EPB41L1: variants seen among roughly 807,000 people sequenced by gnomAD.
EPB41L1 encodes band 4.1-like protein 1.
In EPB41L1, 29 loss-of-function variants were observed where a neutral mutation model predicts 97.8. The observed-to-expected ratio is 0.30, with a 90% CI of 0.22 to 0.40. The LOEUF (loss-of-function observed/expected upper bound fraction) is 0.40. Among genes scored for constraint, EPB41L1 ranks in the 10% least tolerant of loss-of-function variants. The pLI is 1.00. For synonymous variants in EPB41L1, 383 were observed against 459.2 expected (o/e 0.83, Z 2.12); for missense variants, 812 against 1,162.3 (o/e 0.70, Z 4.38).
At chr20:36,160,219 A>G (rs1002497806) in intron 1 of EPB41L1, among the ~76,000 whole-genome samples, 1 of 152,250 alleles carries the variant, frequency 6.6e-6, no homozygotes, top group Non-Finnish European at 1.5e-5. Flanking sequence ...AGAAAAACAA[A>G]TATTTCTTTA....
In EPB41L1 at chr20:36,212,176, T is replaced by G; in HGVS notation, c.2080-96T>G. On this transcript the variant is annotated intron_variant, in intron 15 of 21. Coordinates refer to ENST00000338074, the MANE Select transcript of EPB41L1 (RefSeq NM_012156.2). The surrounding 1 kb of genome is among the most constrained non-coding windows in gnomAD (Gnocchi z 4.8). The stretch of plus-strand genomic sequence containing the variant: ...CCAGAGATGTGGCCAGCTGTGGGGA[T>G]AGGAGATAGCCTGCAGACACCACAC... 1.7e-6 allele frequency: 2 copies of G among 1,149,778 alleles called. No homozygotes were observed. Among genetic ancestry groups the G allele is most frequent in the Non-Finnish European group, 1.3e-6 (1 of 764,060 alleles). 71.2% of individuals were successfully genotyped at this position (1,149,778 alleles called of 1,614,324 possible). A position where few individuals can be genotyped will look rare whatever the true frequency, so the allele number is the denominator to read the frequency against.
In EPB41L1 at chr20:36,134,852, CTTTTTTT is replaced by C. The variant is rs764236552; in HGVS notation, c.-10+22391_-10+22397del. Among the ~76,000 whole-genome samples the C allele has an allele frequency of 6.0e-4, 65 of 107,656 alleles. 1 individual carries two copies. The East Asian group carries it at 9.5e-3, about 16-fold the overall frequency. 70.6% of individuals were successfully genotyped at this position (107,656 alleles called of 152,430 possible). ...GAACACTATTTTGTGTTTTCTCTGT[CTTTTTTT>C]TTTTTTTTTTTTTTTTTTGAACCAG... On this transcript the variant is annotated intron_variant, in intron 2 of 19. Coordinates refer to the EPB41L1 transcript ENST00000202028.
chr20:36,201,600 T>A (rs1287000486), intron 14 of EPB41L1, among the ~76,000 whole-genome samples: 1 of 152,214 alleles, frequency 6.6e-6, no homozygotes, highest in Non-Finnish European at 1.5e-5. Flanking sequence ...CAGGCAAAAG[T>A]GGACATCTTT....
chr20:36,147,242 G>A (rs1356998348), intron 2 of EPB41L1, among the ~76,000 whole-genome samples: 1 of 152,102 alleles, frequency 6.6e-6, no homozygotes, highest in Non-Finnish European at 1.5e-5. Flanking sequence ...TTTACATCCT[G>A]AAAATCTCTA....
At position 36,175,745 on chromosome 20, in the gene EPB41L1, G is replaced by A. The variant is rs200228097; in HGVS notation, c.342+30G>A. On this transcript the variant is annotated intron_variant, in intron 3 of 21. Transcript: ENST00000338074. ...GGGAGCACTGAGTGCCATATGTCCC[G>A]TCCCCGGTCAGCCAGCCTCAGGTCC... 2.7e-5 allele frequency: 44 copies of A among 1,612,852 alleles called. No homozygotes were observed. The African/African-American group carries it at 3.2e-4, about 12-fold the overall frequency.
At chr20:36,226,081 A>G (rs2064134727) in intron 21 of EPB41L1, among the ~76,000 whole-genome samples, 1 of 152,328 alleles carries the variant, frequency 6.6e-6, no homozygotes, top group East Asian at 1.9e-4. Flanking sequence ...ATTATGGTCA[A>G]GTAGAACCCA....
rs189204859 is a variant in EPB41L1 at position 36,224,829 on chromosome 20, T to A, written c.2637+2435T>A. On this transcript the variant is annotated intron_variant, in intron 21 of 21. Coordinates refer to ENST00000338074, the MANE Select transcript of EPB41L1 (RefSeq NM_012156.2). ...GAAAATCTATTATCTAGGAAAAAAA[T>A]TTTTTTTTTTGAGACGGAGTCTCAC... is the stretch of plus-strand genomic sequence containing the variant. Among the ~76,000 whole-genome samples, 1,197 of 149,528 alleles carry A rather than the reference T, an allele frequency of 8.0e-3. 15 individuals carry two copies. Among genetic ancestry groups the A allele is most frequent in the African/African-American group, 0.027 (1,124 of 40,952 alleles).
intron 2 of EPB41L1, among the ~76,000 whole-genome samples, chr20:36,118,425 A>G (rs186214569): frequency 6.6e-6 from 1 of 152,260 alleles, no homozygotes; most frequent in East Asian, 1.9e-4. Flanking sequence ...ATCCCAGAGA[A>G]TATCTTCCAA....
At chr20:36,221,177 A>T (rs2063758973) in intron 19 of EPB41L1, among the ~76,000 whole-genome samples, 1 of 152,186 alleles carries the variant, frequency 6.6e-6, no homozygotes, top group Admixed American at 6.5e-5. Flanking sequence ...TTCCCCACAG[A>T]CACCACCCTG....
At position 36,232,595 on chromosome 20, in the gene EPB41L1, T is replaced by A. The variant is rs959619222; in HGVS notation, c.*3255T>A. ...ATTCCAAGACTGGCCTGAAACTGCA[T>A]GAGCAACATCACTCGAAATAATTTT... On this transcript the variant is annotated 3_prime_UTR_variant, in exon 22 of 22. Coordinates refer to ENST00000338074, the MANE Select transcript of EPB41L1 (RefSeq NM_012156.2). 7.5e-6 allele frequency: 3 copies of A among 399,078 alleles called. No individual in the cohort carries two copies. The highest frequency in any genetic ancestry group is 1.3e-5 in the Non-Finnish European group (3 of 226,092). The allele number at this position is 399,078 out of a possible 1,614,324, so 24.7% of individuals were successfully genotyped here.
At chr20:36,146,404 AT>A (rs2059833555) in intron 2 of EPB41L1, among the ~76,000 whole-genome samples, 1 of 152,232 alleles carries the variant, frequency 6.6e-6, no homozygotes, top group Non-Finnish European at 1.5e-5. Flanking sequence ...GCCAATGGTT[AT>A]TTTAGGCAGG....
intron 1 of EPB41L1, among the ~76,000 whole-genome samples, chr20:36,107,593 G>A (rs2058237799): frequency 6.6e-6 from 1 of 151,362 alleles, no homozygotes; most frequent in African/African-American, 2.4e-5. Context: ...CCTTTGGGAG[G>A]CCGAGGTGGG....
chr20:36,135,446 C>A (rs1399045667), intron 2 of EPB41L1, among the ~76,000 whole-genome samples: 3 of 152,160 alleles, frequency 2.0e-5, no homozygotes, highest in South Asian at 2.1e-4. Flanking sequence ...GTTTGGAATC[C>A]CCCCTCTGCT....
intron 2 of EPB41L1, among the ~76,000 whole-genome samples, chr20:36,138,890 T>C (rs543438307): frequency 6.6e-6 from 1 of 152,278 alleles, no homozygotes; most frequent in South Asian, 2.1e-4. Flanking sequence ...CCATTTTTTT[T>C]TTCTCTCTTG....
intron 2 of EPB41L1, among the ~76,000 whole-genome samples, chr20:36,131,388 G>A (rs2059203684): frequency 1.3e-5 from 2 of 152,176 alleles, no homozygotes; most frequent in Non-Finnish European, 2.9e-5. Flanking sequence ...GAGATTACAG[G>A]TGTGAGCCAC....
intron 2 of EPB41L1, among the ~76,000 whole-genome samples, chr20:36,144,761 G>A (rs997754628): frequency 6.6e-6 from 1 of 152,208 alleles, no homozygotes; most frequent in East Asian, 1.9e-4. Flanking sequence ...ACTGCCATAG[G>A]AGTGAATAAT....
At chr20:36,102,769 A>G (rs998620230) in intron 1 of EPB41L1, among the ~76,000 whole-genome samples, 3 of 152,170 alleles carry the variant, frequency 2.0e-5, no homozygotes, top group Non-Finnish European at 4.4e-5. Context: ...CCACATGCCC[A>G]AATGCTCAAG....
At chr20:36,123,535 G>T (rs769004729) in intron 2 of EPB41L1, among the ~76,000 whole-genome samples, 1 of 152,144 alleles carries the variant, frequency 6.6e-6, no homozygotes, top group Non-Finnish European at 1.5e-5. Context: ...CCGCCTCCTG[G>T]GTTCAAGTGA....
At chr20:36,178,566 T>C (rs1243395259) in intron 4 of EPB41L1, 64 bp from the exon 5 acceptor site, 5 of 1,519,468 alleles carry the variant, frequency 3.3e-6, no homozygotes, top group Non-Finnish European at 4.6e-6. Context: ...GATATTTCTC[T>C]CTCTCAGCCC....
Sources: allele counts gnomAD v4.1 joint callset (sites outside exome capture counted in the v4.1 genomes callset), GRCh38; gene constraint gnomAD v4.1.1; non-coding constraint Gnocchi (gnomAD v3.1); transcripts MANE v1.5; gene names NCBI Gene and HGNC (gene_info 2026-07-23, HGNC 2026-07-21).